APPBP2: variants seen among roughly 807,000 people sequenced by gnomAD.
The protein encoded by APPBP2 is amyloid beta precursor protein binding protein 2.
A neutral mutation model predicts 76.0 loss-of-function variants in APPBP2; 15 were observed. The observed-to-expected ratio is 0.20, with a 90% CI of 0.13 to 0.30. The LOEUF (loss-of-function observed/expected upper bound fraction) is 0.30. APPBP2 is among the 10% of genes least tolerant of loss of function. The pLI, the probability that APPBP2 is intolerant of heterozygous loss-of-function variation, is 1.00. For synonymous variants in APPBP2, 222 were observed against 242.2 expected, an observed-to-expected ratio of 0.92 and a Z score of 0.77; for missense variants, 401 against 687.2, an observed-to-expected ratio of 0.58 and a Z score of 4.66.
chr17:60,475,648 T>TACACACACACACACACACAC (rs72415327), intron 4 of APPBP2, among the ~76,000 whole-genome samples: 16 of 129,190 alleles, frequency 1.2e-4, no homozygotes, highest in African/African-American at 4.9e-4. Context: ...CAACTCTTTA[T>TACACACACACACACACACAC]ACACACACAC....
At chr17:60,486,806 T>C (rs1395437891) in intron 3 of APPBP2, among the ~76,000 whole-genome samples, 3 of 152,208 alleles carry the variant, frequency 2.0e-5, no homozygotes, top group African/African-American at 7.2e-5. Flanking sequence ...CTTTACAATT[T>C]TGCATGTTTT....
At chr17:60,498,119 C>T (rs550883796) in intron 2 of APPBP2, among the ~76,000 whole-genome samples, 34 of 151,378 alleles carry the variant, frequency 2.2e-4, no homozygotes, top group Non-Finnish European at 4.6e-4. Context: ...GGAAGTGAGA[C>T]CCTGGCTCCA....
chr17:60,463,928 A>G (rs2143327180), intron 6 of APPBP2, 93 bp downstream of exon 6: 1 of 892,430 alleles, frequency 1.1e-6, no homozygotes, highest in Non-Finnish European at 1.7e-6. Context: ...GGAGTGTACA[A>G]ATAACTAAAA....
At chr17:60,500,339 C>A in intron 2 of APPBP2, 60 bp downstream of exon 2, 5 of 1,204,824 alleles carry the variant, frequency 4.1e-6, no homozygotes, top group South Asian at 2.7e-5. Flanking sequence ...CCACTCAATT[C>A]GGTTAAAATG....
chr17:60,447,911 A>G (rs886245003), intron 12 of APPBP2, 77 bp from the exon 13 acceptor site: 2 of 1,358,728 alleles, frequency 1.5e-6, no homozygotes, highest in African/African-American at 2.9e-5. Context: ...ACATGAACAC[A>G]AGTTCAATTC....
At chr17:60,498,008 G>C (rs2090790217) in intron 2 of APPBP2, among the ~76,000 whole-genome samples, 1 of 151,816 alleles carries the variant, frequency 6.6e-6, no homozygotes, top group African/African-American at 2.4e-5. Flanking sequence ...GGCGTGGTGG[G>C]GCATGCCTGT....
intron 1 of APPBP2, among the ~76,000 whole-genome samples, chr17:60,524,877 G>C (rs186755615): frequency 7.9e-4 from 121 of 152,356 alleles, no homozygotes; most frequent in African/African-American, 2.8e-3. Context: ...AAGGAAGACT[G>C]AATAATAAAT....
At chr17:60,496,608 A>T (rs760289926) in intron 2 of APPBP2, among the ~76,000 whole-genome samples, 10 of 151,644 alleles carry the variant, frequency 6.6e-5, no homozygotes, top group Non-Finnish European at 1.2e-4. Flanking sequence ...TATTTATTAG[A>T]TTTTTTTTTA....
At chr17:60,452,153 T>A in intron 11 of APPBP2, 108 bp from the exon 12 acceptor site, 1 of 1,135,068 alleles carries the variant, frequency 8.8e-7, no homozygotes, top group Non-Finnish European at 1.3e-6. Context: ...ATGAATGCCA[T>A]AAGGTAATCA....
intron 1 of APPBP2, 47 bp from the exon 2 acceptor site, chr17:60,500,534 C>CT (rs772893372): frequency 2.0e-5 from 26 of 1,277,258 alleles, no homozygotes; most frequent in Non-Finnish European, 2.9e-5. Context: ...TTTAATTCTT[C>CT]TTTTTACTTT....
Position 60,500,384 on chromosome 17 carries a change from T to A in APPBP2, c.227+15A>T. ...ATGTTATGTATATTTTACAATTTTT[T>A]AAAAAAGAATTTACCTTTTATCCAA... On this transcript the variant is annotated intron_variant, in intron 2 of 12. Coordinates refer to ENST00000083182, the MANE Select transcript of APPBP2 (RefSeq NM_006380.5). 2 of 1,547,210 alleles carry A rather than the reference T, an allele frequency of 1.3e-6. No individual in the cohort carries two copies. The highest frequency in any genetic ancestry group is 1.4e-5 in the African/African-American group (1 of 72,312).
At chr17:60,471,963 T>C (rs1394715087) in intron 4 of APPBP2, among the ~76,000 whole-genome samples, 1 of 151,964 alleles carries the variant, frequency 6.6e-6, no homozygotes, top group Non-Finnish European at 1.5e-5. Flanking sequence ...TCGTCTCTAC[T>C]AAAAATACAA....
At chr17:60,471,092 C>T (rs1291699111) in intron 4 of APPBP2, among the ~76,000 whole-genome samples, 5 of 152,088 alleles carry the variant, frequency 3.3e-5, no homozygotes, top group East Asian at 1.9e-4. Flanking sequence ...CCACAGGGCC[C>T]GGCCTCATTT....
intron 4 of APPBP2, among the ~76,000 whole-genome samples, chr17:60,471,570 G>A (rs1245809911): frequency 1.3e-5 from 2 of 150,914 alleles, no homozygotes; most frequent in African/African-American, 2.4e-5. Flanking sequence ...TGTCAACTGA[G>A]ATAACTGGGT....
chr17:60,482,569 C>G (rs574598599), intron 3 of APPBP2, among the ~76,000 whole-genome samples: 1 of 152,136 alleles, frequency 6.6e-6, no homozygotes. Context: ...TTTCTCCTAA[C>G]GCTATCCCTC....
At chr17:60,486,784 A>G (rs2090682721) in intron 3 of APPBP2, among the ~76,000 whole-genome samples, 2 of 152,118 alleles carry the variant, frequency 1.3e-5, no homozygotes, top group African/African-American at 4.8e-5. Flanking sequence ...GTTTCTTCCG[A>G]GCATCGATGG....
Position 60,474,188 on chromosome 17 carries a change from T to C in APPBP2, c.503+4960A>G, listed in dbSNP as rs552895783. ...TTCATTTTTTTTTTATTTTTTTTTTTTGAGACAGAGTTTTGCTCGTCGCCC... is the reference window on the plus strand; with the variant it reads ...TTCATTTTTTTTTTATTTTTTTTTTCTGAGACAGAGTTTTGCTCGTCGCCC... On this transcript the variant is annotated intron_variant, in intron 4 of 12. Transcript: ENST00000083182. Among the ~76,000 whole-genome samples the C allele has an allele frequency of 5.3e-5, 8 of 152,120 alleles. No homozygotes were observed. The South Asian group carries it at 1.2e-3, about 24-fold the overall frequency.
Position 60,454,184 on chromosome 17 carries a change from T to A in APPBP2, c.1338+118A>T, listed in dbSNP as rs979530811. The A allele has an allele frequency of 8.0e-6, 6 of 747,060 alleles. No homozygotes were observed. The African/African-American group carries it at 1.1e-4, about 14-fold the overall frequency. The allele number at this position is 747,060 out of a possible 1,614,324, so 46.3% of individuals were successfully genotyped here. On this transcript the variant is annotated intron_variant, in intron 11 of 12. Transcript: ENST00000083182. ...GGCCTATGTTGTTTTATACTCACTA[T>A]CTTCTCAATTCCTTTGTGCAATAAG...
intron 1 of APPBP2, among the ~76,000 whole-genome samples, chr17:60,520,559 C>G (rs1348091233): frequency 8.6e-6 from 1 of 115,806 alleles, no homozygotes; most frequent in South Asian, 2.6e-4. Context: ...GGCAACAGAA[C>G]AAGACTCTGT....
Sources: gnomAD v4.1 joint callset for allele counts (sites outside exome capture counted in the v4.1 genomes callset) on GRCh38, gnomAD v4.1.1 for gene constraint, MANE v1.5 for transcripts, NCBI Gene and HGNC (gene_info 2026-07-23, HGNC 2026-07-21) for gene names.